The following B3GALT1 variants were observed in gnomAD, a reference collection of about 807,000 sequenced individuals.
B3GALT1 encodes the protein beta-1,3-galactosyltransferase 1.
A neutral mutation model predicts 23.2 loss-of-function variants in B3GALT1; 10 were observed. That is an observed-to-expected ratio of 0.43 (90% CI 0.27 to 0.73). The LOEUF (loss-of-function observed/expected upper bound fraction) is 0.73. Ranked by LOEUF, B3GALT1 falls within the 30% of genes least tolerant of loss-of-function variation. The probability of loss-of-function intolerance (pLI) is 0.21; values close to 1 mark genes in which losing one functional copy is unlikely to be tolerated. For missense variants in B3GALT1, 299 were observed against 405.4 expected (o/e 0.74, Z 2.25); for synonymous variants, 156 against 141.5 (o/e 1.10, Z -0.73).
intron 1 of B3GALT1, among the ~76,000 whole-genome samples, chr2:167,411,481 G>A (rs2689854): frequency 0.95 from 143,814 of 152,168 alleles, 68,234 homozygotes; most frequent in Non-Finnish European, 0.99. Context: ...TGGCCAATAG[G>A]TATATGAAAA....
chr2:167,323,771 C>G (rs1271591035), intron 1 of B3GALT1, among the ~76,000 whole-genome samples: 1 of 150,730 alleles, frequency 6.6e-6, no homozygotes, highest in Non-Finnish European at 1.5e-5. Context: ...TATATTTATC[C>G]TATTGAATTT....
chr2:167,571,070 A>G (rs778470262), intron 2 of B3GALT1, among the ~76,000 whole-genome samples: 26 of 152,006 alleles, frequency 1.7e-4, no homozygotes, highest in Non-Finnish European at 2.9e-4. Context: ...GGGAGATTCT[A>G]TCTTCAAGAA....
chr2:167,682,422 A>G (rs1268636950), intron 3 of B3GALT1, among the ~76,000 whole-genome samples: 1 of 152,200 alleles, frequency 6.6e-6, no homozygotes, highest in Admixed American at 6.5e-5. Context: ...TTTGCATTGC[A>G]AAGTTAAAAT....
intron 2 of B3GALT1, among the ~76,000 whole-genome samples, chr2:167,567,490 A>C (rs374720756): frequency 2.0e-5 from 3 of 152,182 alleles, no homozygotes; most frequent in African/African-American, 7.2e-5. Flanking sequence ...AGTGATGTTT[A>C]AATTGGCTTT....
In B3GALT1 at chr2:167,293,005, CCAT is replaced by C. The variant is rs1696274521; in HGVS notation, c.-838_-836del. 6.6e-6 allele frequency among the ~76,000 whole-genome samples: 1 copy of C among 152,024 alleles called. No individual in the cohort carries two copies. The highest frequency in any genetic ancestry group is 2.4e-5 in the African/African-American group (1 of 41,446). On this transcript the variant is annotated 5_prime_UTR_variant, in exon 1 of 5. Coordinates refer to ENST00000392690, the MANE Select transcript of B3GALT1 (RefSeq NM_020981.4). Reference sequence around the variant, plus strand: ...GCGTTGTCAGTCGCCGAGGCCAGAGCCATCGCCGGGGAAGCGCAGCCGGGCTCG... The same window carrying C: ...GCGTTGTCAGTCGCCGAGGCCAGAGCCGCCGGGGAAGCGCAGCCGGGCTCG...
At chr2:167,784,962 T>A (rs1688316010) in intron 3 of B3GALT1, among the ~76,000 whole-genome samples, 1 of 152,204 alleles carries the variant, frequency 6.6e-6, no homozygotes, top group Non-Finnish European at 1.5e-5. Context: ...CAAGATAGTA[T>A]CATTACTTTG....
At chr2:167,540,616 T>C (rs1262555920) in intron 2 of B3GALT1, among the ~76,000 whole-genome samples, 1 of 152,228 alleles carries the variant, frequency 6.6e-6, no homozygotes, top group African/African-American at 2.4e-5. Context: ...TTCCAGTTGA[T>C]GTTAAACAAC....
At chr2:167,648,510 A>G (rs981600811) in intron 3 of B3GALT1, among the ~76,000 whole-genome samples, 4 of 152,070 alleles carry the variant, frequency 2.6e-5, no homozygotes, top group African/African-American at 9.7e-5. Flanking sequence ...ATATAAATCT[A>G]ATTTGCCATA....
chr2:167,868,244 G>A (rs1208054312), intron 4 of B3GALT1, among the ~76,000 whole-genome samples: 1 of 152,164 alleles, frequency 6.6e-6, no homozygotes, highest in Non-Finnish European at 1.5e-5. Flanking sequence ...AGAAAAGGAG[G>A]AACAGTTGGG....
intron 3 of B3GALT1, among the ~76,000 whole-genome samples, chr2:167,798,394 C>G (rs530789823): frequency 2.4e-4 from 36 of 152,112 alleles, no homozygotes; most frequent in Non-Finnish European, 5.1e-4. Flanking sequence ...CCTAGGCTTT[C>G]TTCTAGGGTT....
At chr2:167,543,020 A>C (rs1683559283) in intron 2 of B3GALT1, among the ~76,000 whole-genome samples, 1 of 152,134 alleles carries the variant, frequency 6.6e-6, no homozygotes, top group African/African-American at 2.4e-5. Context: ...ATAATAAGAA[A>C]TTAGAGGGAC....
rs1262571075 is a variant in B3GALT1, at chr2:167,293,321, C to T, written c.-524C>T. Reference sequence around the variant, plus strand: ...GCGCGCCAGCCCAGCGGCCGGAGACCACGCGCCCCGCGGGTAAGGTTCTGT... The same window carrying T: ...GCGCGCCAGCCCAGCGGCCGGAGACTACGCGCCCCGCGGGTAAGGTTCTGT... On this transcript the variant is annotated 5_prime_UTR_variant, in exon 1 of 5. Coordinates refer to ENST00000392690, the MANE Select transcript of B3GALT1 (RefSeq NM_020981.4). The T allele has an allele frequency of 6.6e-6, 1 of 152,124 alleles. No individual in the cohort carries two copies. 9.4% of individuals were successfully genotyped at this position (152,124 alleles called of 1,614,324 possible).
At chr2:167,296,140 C>A (rs1396807716) in intron 1 of B3GALT1, among the ~76,000 whole-genome samples, 1 of 152,164 alleles carries the variant, frequency 6.6e-6, no homozygotes, top group South Asian at 2.1e-4. Flanking sequence ...CAAGTAATGT[C>A]AACTTGTGAA....
chr2:167,788,265 C>T (rs1416930841), intron 3 of B3GALT1, among the ~76,000 whole-genome samples: 8 of 90,484 alleles, frequency 8.8e-5, no homozygotes, highest in South Asian at 4.0e-4. Context: ...TTCCACAGTC[C>T]GGAAGTGGGT....
intron 3 of B3GALT1, among the ~76,000 whole-genome samples, chr2:167,766,411 G>T (rs868685836): frequency 3.3e-5 from 5 of 152,206 alleles, no homozygotes; most frequent in African/African-American, 1.2e-4. Context: ...AAAATGGAAT[G>T]GAGAGATGAA....
At chr2:167,842,501 T>A (rs1433060571) in intron 4 of B3GALT1, among the ~76,000 whole-genome samples, 1 of 152,204 alleles carries the variant, frequency 6.6e-6, no homozygotes, top group African/African-American at 2.4e-5. Flanking sequence ...ACAATAGTAA[T>A]AACAGCACCT....
intron 1 of B3GALT1, among the ~76,000 whole-genome samples, chr2:167,307,817 C>T (rs189542380): frequency 6.6e-6 from 1 of 151,904 alleles, no homozygotes; most frequent in African/African-American, 2.4e-5. Context: ...ATTCCCCACT[C>T]GTACCAGTTG....
chr2:167,600,960 T>C (rs1042292441), intron 2 of B3GALT1, among the ~76,000 whole-genome samples: 3 of 152,196 alleles, frequency 2.0e-5, no homozygotes, highest in African/African-American at 4.8e-5. Context: ...TTAGCCACTT[T>C]TAGATTTTAA....
chr2:167,771,026 G>C (rs1398171329), intron 3 of B3GALT1, among the ~76,000 whole-genome samples: 1 of 152,176 alleles, frequency 6.6e-6, no homozygotes, highest in Non-Finnish European at 1.5e-5. Context: ...AGTACAGAAA[G>C]AATAGGCTTT....
Sources: gnomAD v4.1 joint callset for allele counts (sites outside exome capture counted in the v4.1 genomes callset) on GRCh38, gnomAD v4.1.1 for gene constraint, MANE v1.5 for transcripts, NCBI Gene and HGNC (gene_info 2026-07-23, HGNC 2026-07-21) for gene names.